CDH13: variants seen among roughly 807,000 people sequenced by gnomAD.
CDH13 encodes cadherin 13.
A neutral mutation model predicts 63.8 loss-of-function variants in CDH13; 24 were observed. That is an observed-to-expected ratio of 0.38 (90% CI 0.27 to 0.53). CDH13 has a LOEUF of 0.53. Ranked by LOEUF, CDH13 falls within the 20% of genes least tolerant of loss-of-function variation. The probability of loss-of-function intolerance (pLI) is 0.85; values close to 1 mark genes in which losing one functional copy is unlikely to be tolerated. For missense variants in CDH13, 1,049 were observed against 903.1 expected (o/e 1.16, Z -2.07); for synonymous variants, 503 against 355.3 (o/e 1.42, Z -4.67).
At chr16:83,499,157 T>C (rs1454627783) in intron 7 of CDH13, among the ~76,000 whole-genome samples, 1 of 152,254 alleles carries the variant, frequency 6.6e-6, no homozygotes, top group African/African-American at 2.4e-5. Flanking sequence ...CAGTAAATTA[T>C]GGTATATTCC....
At chr16:82,830,664 C>A (rs537677312) in intron 1 of CDH13, among the ~76,000 whole-genome samples, 1 of 152,194 alleles carries the variant, frequency 6.6e-6, no homozygotes, top group African/African-American at 2.4e-5. Context: ...TTTGACATGC[C>A]ATGATGGCAT....
In CDH13 at chr16:82,918,457, T is replaced by G. The variant is rs149570464; in HGVS notation, c.157+59984T>G. Among the ~76,000 whole-genome samples the G allele has an allele frequency of 2.3e-3, 343 of 151,954 alleles. 1 individual carries two copies. Among genetic ancestry groups the G allele is most frequent in the African/African-American group, 7.9e-3 (329 of 41,422 alleles). Reference sequence around the variant, plus strand: ...TGGTTATTTATTTCTGTGGAATAAGTTCCTAGAAATAGGATGTCTCTCTGG... The same window carrying G: ...TGGTTATTTATTTCTGTGGAATAAGGTCCTAGAAATAGGATGTCTCTCTGG... On this transcript the variant is annotated intron_variant, in intron 2 of 13. Transcript: ENST00000567109.
intron 5 of CDH13, among the ~76,000 whole-genome samples, chr16:83,336,423 C>G (rs900854347): frequency 6.6e-6 from 1 of 152,082 alleles, no homozygotes; most frequent in African/African-American, 2.4e-5. Flanking sequence ...GCAGTGGCAG[C>G]ATCTACGCTA....
chr16:83,033,145 T>A (rs1281651161), intron 3 of CDH13, among the ~76,000 whole-genome samples: 1 of 152,194 alleles, frequency 6.6e-6, no homozygotes, highest in Non-Finnish European at 1.5e-5. Flanking sequence ...CACATATGTA[T>A]ACATCCACAT....
chr16:83,667,261 C>T (rs569285336), intron 8 of CDH13, among the ~76,000 whole-genome samples: 2 of 152,312 alleles, frequency 1.3e-5, no homozygotes, highest in Admixed American at 1.3e-4. Context: ...CATTTGCCCA[C>T]ACACTAAAAA....
chr16:82,923,504 G>C (rs2042218565), intron 2 of CDH13, among the ~76,000 whole-genome samples: 1 of 152,312 alleles, frequency 6.6e-6, no homozygotes, highest in Middle Eastern at 3.4e-3. Context: ...CCAACTCTTA[G>C]GGAGGTCACA....
At chr16:82,939,538 C>G (rs1285132968) in intron 2 of CDH13, among the ~76,000 whole-genome samples, 1 of 152,030 alleles carries the variant, frequency 6.6e-6, no homozygotes, top group Admixed American at 6.6e-5. Flanking sequence ...ACGCACATAC[C>G]TAAAGCGAAT....
At chr16:83,126,574 G>T (rs1475348139) in intron 4 of CDH13, among the ~76,000 whole-genome samples, 1 of 152,174 alleles carries the variant, frequency 6.6e-6, no homozygotes, top group African/African-American at 2.4e-5. Flanking sequence ...GTGAGTCACA[G>T]ATTGGGACTA....
chr16:83,257,657 C>T (rs1405793576), intron 5 of CDH13, among the ~76,000 whole-genome samples: 3 of 152,164 alleles, frequency 2.0e-5, no homozygotes, highest in Non-Finnish European at 4.4e-5. Context: ...TTTTCTTTAT[C>T]GTGTCTACCA....
chr16:82,666,737 T>G (rs970590147), intron 1 of CDH13, among the ~76,000 whole-genome samples: 10 of 152,298 alleles, frequency 6.6e-5, no homozygotes, highest in African/African-American at 2.4e-4. Flanking sequence ...ATACACCCAT[T>G]TTTAGAAATG....
rs553830771 is a variant in CDH13, at chr16:83,325,529, T to C, written c.637-19333T>C. ...TTTCTGCTGTTACTCAGTTCTGCTT[T>C]TCTAGCACGAGAGAAGCCGTAGACA... On this transcript the variant is annotated intron_variant, in intron 5 of 13. Coordinates refer to ENST00000567109, the MANE Select transcript of CDH13 (RefSeq NM_001257.5). Among the ~76,000 whole-genome samples the C allele has an allele frequency of 1.5e-3, 235 of 152,324 alleles. 1 individual carries two copies. Among genetic ancestry groups the C allele is most frequent in the African/African-American group, 5.5e-3 (227 of 41,570 alleles).
At chr16:82,885,122 C>T (rs1049248408) in intron 2 of CDH13, among the ~76,000 whole-genome samples, 6 of 152,130 alleles carry the variant, frequency 3.9e-5, no homozygotes, top group South Asian at 2.1e-4. Context: ...AACCCAACTG[C>T]ACTTTTGCAA....
chr16:83,626,947 C>T (rs948755787), intron 8 of CDH13, among the ~76,000 whole-genome samples: 1 of 152,096 alleles, frequency 6.6e-6, no homozygotes, highest in Admixed American at 6.6e-5. Flanking sequence ...TCACCTCTCT[C>T]GGCTCTTTCC....
intron 6 of CDH13, 27 bp downstream of exon 6, chr16:83,345,033 G>T: frequency 6.2e-7 from 1 of 1,609,508 alleles, no homozygotes; most frequent in Non-Finnish European, 8.5e-7. Flanking sequence ...TACCTTTAGC[G>T]TAATGGCTTG....
chr16:83,095,259 C>G (rs938612784), intron 3 of CDH13, among the ~76,000 whole-genome samples: 1 of 152,124 alleles, frequency 6.6e-6, no homozygotes, highest in Non-Finnish European at 1.5e-5. Flanking sequence ...TCACTGTTCC[C>G]AAAACTTTCA....
intron 2 of CDH13, among the ~76,000 whole-genome samples, chr16:83,007,362 C>G (rs1321278433): frequency 6.6e-6 from 1 of 152,076 alleles, no homozygotes; most frequent in Non-Finnish European, 1.5e-5. Context: ...AACATGAAAC[C>G]CATTTCACAC....
rs1221477191 is a variant in CDH13 at position 83,635,854 on chromosome 16, G to A, written c.1101+33260G>A. Among the ~76,000 whole-genome samples the A allele has an allele frequency of 2.6e-5, 4 of 152,190 alleles. No homozygotes were observed. The East Asian group carries it at 5.8e-4, about 22-fold the overall frequency. Reference sequence around the variant, plus strand: ...TTTTCTTCTATAGATTGTGCTTTTGGTGTCAACTCTAGGAATTCTTTGCCT... The same window carrying A: ...TTTTCTTCTATAGATTGTGCTTTTGATGTCAACTCTAGGAATTCTTTGCCT... On this transcript the variant is annotated intron_variant, in intron 8 of 13. Coordinates refer to ENST00000567109, the MANE Select transcript of CDH13 (RefSeq NM_001257.5).
chr16:83,426,401 T>A (rs935574145), intron 6 of CDH13, among the ~76,000 whole-genome samples: 1 of 152,150 alleles, frequency 6.6e-6, no homozygotes, highest in Non-Finnish European at 1.5e-5. Context: ...CTTGCTAATA[T>A]GCCAACTACT....
intron 6 of CDH13, among the ~76,000 whole-genome samples, chr16:83,436,378 G>A (rs1206297880): frequency 6.6e-6 from 1 of 152,108 alleles, no homozygotes; most frequent in Non-Finnish European, 1.5e-5. Flanking sequence ...GGCTGGAGAG[G>A]GAGGATCGCT....
Sources: allele counts gnomAD v4.1 joint callset (sites outside exome capture counted in the v4.1 genomes callset), GRCh38; gene constraint gnomAD v4.1.1; transcripts MANE v1.5; gene names NCBI Gene and HGNC (gene_info 2026-07-23, HGNC 2026-07-21).